ANAPC1: variants seen among roughly 807,000 people sequenced by gnomAD.
ANAPC1 encodes anaphase promoting complex subunit 1.
In ANAPC1, 36 loss-of-function variants were observed where a neutral mutation model predicts 208.0. That is an observed-to-expected ratio of 0.17 (90% CI 0.13 to 0.23). The LOEUF (loss-of-function observed/expected upper bound fraction) is 0.23, where lower values mean the gene tolerates loss of function less well. ANAPC1 is among the 10% of genes least tolerant of loss of function. The pLI is 1.00. For missense variants in ANAPC1, 942 were observed against 2,011.6 expected (o/e 0.47, Z 10.17); for synonymous variants, 378 against 695.2 (o/e 0.54, Z 7.18).
At chr2:111,824,240 C>CAAAAAA (rs1180333720) in intron 24 of ANAPC1, among the ~76,000 whole-genome samples, 1 of 71,270 alleles carries the variant, frequency 1.4e-5, no homozygotes, top group Non-Finnish European at 2.8e-5. Flanking sequence ...AGGTAAAATG[C>CAAAAAA]AAAAAAAAAA....
intron 24 of ANAPC1, among the ~76,000 whole-genome samples, chr2:111,824,034 G>A (rs917653904): frequency 2.0e-5 from 3 of 149,816 alleles, no homozygotes; most frequent in Admixed American, 1.3e-4. Flanking sequence ...TTTTTCTTAT[G>A]ATTTTCTAAA....
chr2:111,863,182 G>T (rs1433375910), intron 9 of ANAPC1, among the ~76,000 whole-genome samples: 2 of 152,040 alleles, frequency 1.3e-5, no homozygotes, highest in African/African-American at 4.8e-5. Flanking sequence ...ACTCAGGAAA[G>T]AATGTGACAT....
At chr2:111,882,174 ACT>A (rs1387485891) in intron 1 of ANAPC1, among the ~76,000 whole-genome samples, 31 of 150,022 alleles carry the variant, frequency 2.1e-4, no homozygotes, top group African/African-American at 7.1e-4. Flanking sequence ...ACAGAGCAAG[ACT>A]CTGTCTCAAA....
chr2:111,825,365 G>A lies in ANAPC1; in HGVS notation c.2705-198C>T, dbSNP rs999743155. Among the ~76,000 whole-genome samples the A allele has an allele frequency of 2.6e-5, 4 of 152,154 alleles. No homozygotes were observed. The highest frequency in any genetic ancestry group is 5.9e-5 in the Non-Finnish European group (4 of 68,040). ...CAGGGGATTGGTTAGGACACCCCAT[G>A]CGTACCCAAATCCGTGCATGCTCAA... On this transcript the variant is annotated intron_variant, in intron 22 of 47. Transcript: ENST00000341068.
intron 43 of ANAPC1, 130 bp downstream of exon 43, chr2:111,782,239 C>T: frequency 1.3e-6 from 1 of 770,548 alleles, no homozygotes; most frequent in East Asian, 2.9e-5. Context: ...GCAAACAGAG[C>T]CACAGTCAGT....
chr2:111,865,072 TTTATTA>T, intron 7 of ANAPC1, 121 bp from the exon 8 acceptor site: 1 of 814,712 alleles, frequency 1.2e-6, no homozygotes, highest in Non-Finnish European at 1.8e-6. Context: ...GAGCACAAAA[TTTATTA>T]CTATCTTAAA....
At chr2:111,828,546 G>A (rs1558697778) in intron 21 of ANAPC1, among the ~76,000 whole-genome samples, 1 of 152,182 alleles carries the variant, frequency 6.6e-6, no homozygotes, top group Non-Finnish European at 1.5e-5. Context: ...CAACCCAAAT[G>A]TCCATCATCA....
At chr2:111,820,821 AT>A (rs1679490627) in intron 26 of ANAPC1, among the ~76,000 whole-genome samples, 2 of 152,170 alleles carry the variant, frequency 1.3e-5, no homozygotes, top group African/African-American at 4.8e-5. Context: ...AAAAAAAAAA[AT>A]ACTCATACAA....
In ANAPC1 at chr2:111,825,548, G is replaced by A. The variant is rs570546011; in HGVS notation, c.2704+229C>T. Among the ~76,000 whole-genome samples, 5 of 152,244 alleles carry A rather than the reference G, an allele frequency of 3.3e-5. No individual in the cohort carries two copies. The East Asian group carries it at 5.8e-4, about 18-fold the overall frequency. On this transcript the variant is annotated intron_variant, in intron 22 of 47. Transcript: ENST00000341068. ...GTCAATGGTACAATAATTTCCTTCA[G>A]GCTAAAATAGTCCTTTTTACCCGCA...
chr2:111,852,938 T>G (rs1180891809), intron 13 of ANAPC1, among the ~76,000 whole-genome samples: 1 of 151,878 alleles, frequency 6.6e-6, no homozygotes, highest in African/African-American at 2.4e-5. Flanking sequence ...CAGTGAGCTG[T>G]GATCCCACCA....
chr2:111,790,133 A>C (rs1677800747), intron 38 of ANAPC1, among the ~76,000 whole-genome samples: 1 of 152,242 alleles, frequency 6.6e-6, no homozygotes, highest in African/African-American at 2.4e-5. Flanking sequence ...CCATTGATCA[A>C]GGTCACACAC....
intron 21 of ANAPC1, among the ~76,000 whole-genome samples, chr2:111,828,401 C>T (rs752260790): frequency 9.2e-5 from 14 of 152,228 alleles, no homozygotes; most frequent in African/African-American, 1.7e-4. Flanking sequence ...AGTTAAACAT[C>T]GAACTACCTA....
intron 1 of ANAPC1, among the ~76,000 whole-genome samples, chr2:111,881,378 T>C (rs1683289589): frequency 6.6e-6 from 1 of 152,178 alleles, no homozygotes; most frequent in African/African-American, 2.4e-5. Context: ...GGTTTTCAAA[T>C]GTCTTAAGTA....
intron 6 of ANAPC1, among the ~76,000 whole-genome samples, chr2:111,870,344 A>C (rs1057416590): frequency 1.3e-5 from 2 of 152,200 alleles, no homozygotes; most frequent in African/African-American, 4.8e-5. Flanking sequence ...GCAGTGTATA[A>C]GCATTCCCCT....
At chr2:111,829,928 G>A (rs7609146) in intron 21 of ANAPC1, among the ~76,000 whole-genome samples, 88,180 of 151,766 alleles carry the variant, frequency 0.58, 26,560 homozygotes, top group South Asian at 0.69. Flanking sequence ...AAAATTAGCC[G>A]GGCATGGTGT....
At chr2:111,800,519 A>G (rs1227043824) in intron 34 of ANAPC1, among the ~76,000 whole-genome samples, 9 of 120,904 alleles carry the variant, frequency 7.4e-5, no homozygotes, top group East Asian at 4.4e-4. Flanking sequence ...TCTGGCAAAC[A>G]TATTTAGTTT....
At chr2:111,849,679 C>T (rs1270638174) in intron 14 of ANAPC1, among the ~76,000 whole-genome samples, 1 of 152,010 alleles carries the variant, frequency 6.6e-6, no homozygotes, top group Non-Finnish European at 1.5e-5. Context: ...CTGACAAACT[C>T]ATTTCCACCT....
Position 111,782,686 on chromosome 2 carries a change from T to C in ANAPC1, c.5064-179A>G, listed in dbSNP as rs535281709. On this transcript the variant is annotated intron_variant, in intron 42 of 47. Coordinates refer to ENST00000341068, the MANE Select transcript of ANAPC1 (RefSeq NM_022662.4). The stretch of plus-strand genomic sequence containing the variant: ...CCTATGAGAAAGCCTAGAATAAAGT[T>C]CTGTTTTTCTTTGGTGTCTAGATTC... Among the ~76,000 whole-genome samples the C allele has an allele frequency of 7.5e-4, 114 of 152,300 alleles. 2 individuals are homozygous for C. The Middle Eastern group carries it at 0.017, about 23-fold the overall frequency.
chr2:111,767,369 G>A (rs1394183959), downstream of ANAPC1, among the ~76,000 whole-genome samples: 13 of 150,892 alleles, frequency 8.6e-5, no homozygotes, highest in African/African-American at 2.2e-4. Context: ...TGCAGGTTCT[G>A]GATGGTGAGA....
Sources: gnomAD v4.1 joint callset for allele counts (sites outside exome capture counted in the v4.1 genomes callset) on GRCh38, gnomAD v4.1.1 for gene constraint, MANE v1.5 for transcripts, NCBI Gene and HGNC (gene_info 2026-07-23, HGNC 2026-07-21) for gene names.